WDR20: variants seen among roughly 807,000 people sequenced by gnomAD.
WDR20 encodes WD repeat-containing protein 20.
In WDR20, 3 loss-of-function variants were observed where a neutral mutation model predicts 38.7. That is an observed-to-expected ratio of 0.08 (90% CI 0.04 to 0.20). The LOEUF is 0.20. Ranked by LOEUF, WDR20 falls within the 10% of genes least tolerant of loss-of-function variation. The pLI is 1.00. For missense variants in WDR20, 559 were observed against 727.7 expected (o/e 0.77, Z 2.67); for synonymous variants, 298 against 285.6 (o/e 1.04, Z -0.44).
At chr14:102,186,628 A>C (rs991605648) in intron 1 of WDR20, among the ~76,000 whole-genome samples, 2 of 151,964 alleles carry the variant, frequency 1.3e-5, no homozygotes, top group African/African-American at 4.8e-5. Flanking sequence ...CCTAACAGGC[A>C]CTAGCAGCCC....
chr14:102,216,101 G>A (rs1485053505), downstream of WDR20, among the ~76,000 whole-genome samples: 1 of 152,144 alleles, frequency 6.6e-6, no homozygotes, highest in Non-Finnish European at 1.5e-5. Context: ...ACGTTCATCG[G>A]GTGGGGAACT....
chr14:102,148,018 A>G (rs1328401916), intron 1 of WDR20, among the ~76,000 whole-genome samples: 3 of 152,216 alleles, frequency 2.0e-5, no homozygotes, highest in African/African-American at 4.8e-5. Context: ...GGCGTGGGCT[A>G]CTACGCCTGG....
At chr14:102,152,564 G>C (rs1242792194) in intron 1 of WDR20, among the ~76,000 whole-genome samples, 1 of 151,664 alleles carries the variant, frequency 6.6e-6, no homozygotes, top group Non-Finnish European at 1.5e-5. Context: ...ATAGGCGTGT[G>C]CCACCATGCC....
chr14:102,161,121 C>CATATAT (rs1180738049), intron 1 of WDR20, among the ~76,000 whole-genome samples: 302 of 11,128 alleles, frequency 0.027, 42 homozygotes, highest in Middle Eastern at 0.05. Flanking sequence ...AGCATAACTG[C>CATATAT]ATATATATAT....
At chr14:102,140,370 G>A (rs2050453588) in intron 1 of WDR20, among the ~76,000 whole-genome samples, 198 bp downstream of exon 1, 1 of 152,038 alleles carries the variant, frequency 6.6e-6, no homozygotes, top group African/African-American at 2.4e-5. Context: ...TTTCGAAGGG[G>A]TGGGGGCAGT....
At chr14:102,194,520 G>A (rs928606849) in intron 1 of WDR20, among the ~76,000 whole-genome samples, 1 of 152,218 alleles carries the variant, frequency 6.6e-6, no homozygotes, top group Non-Finnish European at 1.5e-5. Context: ...GAACCACTGG[G>A]CTGCAGGTAA....
intron 2 of WDR20, among the ~76,000 whole-genome samples, chr14:102,202,095 G>A (rs576365827): frequency 6.6e-6 from 1 of 152,156 alleles, no homozygotes; most frequent in South Asian, 2.1e-4. Context: ...CCAGGCACCT[G>A]CCCTGCACCC....
At chr14:102,157,033 G>C (rs2057581461) in intron 1 of WDR20, among the ~76,000 whole-genome samples, 1 of 152,086 alleles carries the variant, frequency 6.6e-6, no homozygotes. Flanking sequence ...GGGCTGAGGT[G>C]GGAGGATTGT....
chr14:102,139,541 A>C (rs2152632112), upstream of WDR20: 1 of 913,404 alleles, frequency 1.1e-6, no homozygotes, highest in Non-Finnish European at 1.6e-6. Context: ...CCTCAAGTTC[A>C]CCTCAGGCTC....
rs768719821 is a variant in WDR20 at position 102,222,418 on chromosome 14, G to T, written c.1693-412G>T. On this transcript the variant is annotated intron_variant, in intron 3 of 3. Coordinates refer to the WDR20 transcript ENST00000335263. This position sits in a 1 kb window ranked among gnomAD's most constrained non-coding sequence, Gnocchi z 4.4. ...CCTTGGAGACAACCCCTGGCTCCGAGGGACTGGGTGTGCGGTCCAGAACTG... is the reference window on the plus strand; with the variant it reads ...CCTTGGAGACAACCCCTGGCTCCGATGGACTGGGTGTGCGGTCCAGAACTG... Among the ~76,000 whole-genome samples, 119 of 152,212 alleles carry T rather than the reference G, an allele frequency of 7.8e-4. No homozygotes were observed. The highest frequency in any genetic ancestry group is 1.3e-3 in the Non-Finnish European group (88 of 68,032).
chr14:102,171,977 G>A (rs932587124), intron 1 of WDR20, among the ~76,000 whole-genome samples: 1 of 150,372 alleles, frequency 6.7e-6, no homozygotes, highest in Non-Finnish European at 1.5e-5. Flanking sequence ...ATTTGGCAGG[G>A]TCATATGTGG....
chr14:102,186,904 C>T (rs988867208), intron 1 of WDR20, among the ~76,000 whole-genome samples: 15 of 151,280 alleles, frequency 9.9e-5, no homozygotes, highest in South Asian at 4.2e-4. Flanking sequence ...GAGCCGAGAT[C>T]GTGCCACTGC....
intron 2 of WDR20, among the ~76,000 whole-genome samples, chr14:102,199,009 G>A (rs2059868909): frequency 6.6e-6 from 1 of 152,152 alleles, no homozygotes; most frequent in African/African-American, 2.4e-5. Context: ...GAGATTAGAT[G>A]AAAGGTTCTT....
rs149447675 is a variant in WDR20 at position 102,164,448 on chromosome 14, C to G, written c.249+24276C>G. On this transcript the variant is annotated intron_variant, in intron 1 of 2. Coordinates refer to ENST00000342702, the MANE Select transcript of WDR20 (RefSeq NM_144574.4). ...TGGCACTCTCTCCCACAGTGACATG[C>G]GGGATCTTGTCATCAGCTGAAATGG... Among the ~76,000 whole-genome samples the G allele has an allele frequency of 3.1e-3, 479 of 152,320 alleles. 1 individual carries two copies. Among genetic ancestry groups the G allele is most frequent in the African/African-American group, 0.011 (452 of 41,566 alleles).
chr14:102,148,952 G>A (rs1177978848), intron 1 of WDR20, among the ~76,000 whole-genome samples: 1 of 152,148 alleles, frequency 6.6e-6, no homozygotes, highest in Non-Finnish European at 1.5e-5. Context: ...ACGAGGTCAG[G>A]AGTTTGAGAC....
At chr14:102,205,103 T>C (rs1006418860) in intron 2 of WDR20, among the ~76,000 whole-genome samples, 1 of 152,090 alleles carries the variant, frequency 6.6e-6, no homozygotes, top group Admixed American at 6.6e-5. Flanking sequence ...AAAATATAAA[T>C]TTTTAATCAG....
At chr14:102,193,325 TG>T in intron 1 of WDR20, 1 of 786,472 alleles carries the variant, frequency 1.3e-6, no homozygotes. Context: ...CAGCCTGCCT[TG>T]CTGTACAGCG....
rs1215151671 is a variant in WDR20, at chr14:102,220,174, G to A, written c.1693-2656G>A. ...GCGCCACCTCTGCGTCTCAGCAGCC[G>A]CCCTCCCCTGGGAGTGATGGAAAGC... On this transcript the variant is annotated intron_variant, in intron 3 of 3. Coordinates refer to the WDR20 transcript ENST00000335263. This position sits in a 1 kb window ranked among gnomAD's most constrained non-coding sequence, Gnocchi z 4.2. Among the ~76,000 whole-genome samples, 5 of 152,164 alleles carry A rather than the reference G, an allele frequency of 3.3e-5. No individual in the cohort carries two copies. Among genetic ancestry groups the A allele is most frequent in the East Asian group, 3.9e-4 (2 of 5,184 alleles).
In WDR20 at chr14:102,207,986, G is replaced by T. The variant is rs543871696; in HGVS notation, c.433-617G>T. 1.3e-5 allele frequency among the ~76,000 whole-genome samples: 2 copies of T among 152,186 alleles called. No individual in the cohort carries two copies. The highest frequency in any genetic ancestry group is 2.4e-5 in the African/African-American group (1 of 41,454). ...TGCTTATGGAGATGCACGTGGGGCGGTGCATGGGAGTGAGGCGGCCTCAGT... is the reference window on the plus strand; with the variant it reads ...TGCTTATGGAGATGCACGTGGGGCGTTGCATGGGAGTGAGGCGGCCTCAGT... On this transcript the variant is annotated intron_variant, in intron 2 of 2. Coordinates refer to ENST00000342702, the MANE Select transcript of WDR20 (RefSeq NM_144574.4). This position sits in a 1 kb window ranked among gnomAD's most constrained non-coding sequence, Gnocchi z 5.0.
Sources: gnomAD v4.1 joint callset for allele counts (sites outside exome capture counted in the v4.1 genomes callset) on GRCh38, gnomAD v4.1.1 for gene constraint, Gnocchi (gnomAD v3.1) non-coding constraint, MANE v1.5 for transcripts, NCBI Gene and HGNC (gene_info 2026-07-23, HGNC 2026-07-21) for gene names.